Variants in BBX observed in about 807,000 individuals in gnomAD.
BBX encodes HMG box transcription factor BBX.
In BBX, 30 loss-of-function variants were observed where a neutral mutation model predicts 100.2. The ratio of observed to expected loss-of-function variants is 0.30; its 90% CI spans 0.22 to 0.41. The LOEUF (loss-of-function observed/expected upper bound fraction) is 0.41. BBX is among the 10% of genes least tolerant of loss of function. The probability of loss-of-function intolerance (pLI) is 1.00; values close to 1 mark genes in which losing one functional copy is unlikely to be tolerated. For missense variants in BBX, 1,023 were observed against 1,129.8 expected, an observed-to-expected ratio of 0.91 and a Z score of 1.35; for synonymous variants, 376 against 388.1, an observed-to-expected ratio of 0.97 and a Z score of 0.37.
chr3:107,773,732 T>C lies in BBX; in HGVS notation c.1915+96T>C, dbSNP rs955318405. Reference sequence around the variant, plus strand: ...ACAACTGCCATAAAAAACAATATGGTATCAAAATAATACCTTACATTTGTA... The same window carrying C: ...ACAACTGCCATAAAAAACAATATGGCATCAAAATAATACCTTACATTTGTA... On this transcript the variant is annotated intron_variant, in intron 11 of 17. Transcript: ENST00000325805. The surrounding 1 kb of genome is among the most constrained non-coding windows in gnomAD (Gnocchi z 4.1). 2.7e-5 allele frequency: 29 copies of C among 1,083,790 alleles called. No homozygotes were observed. The highest frequency in any genetic ancestry group is 3.7e-5 in the Non-Finnish European group (28 of 764,248). The allele number at this position is 1,083,790 out of a possible 1,614,324, so 67.1% of individuals were successfully genotyped here.
At chr3:107,786,161 C>T (rs2068398597) in intron 13 of BBX, among the ~76,000 whole-genome samples, 1 of 151,834 alleles carries the variant, frequency 6.6e-6, no homozygotes. Flanking sequence ...ATTGCTGAAA[C>T]AAATATGATA....
At chr3:107,550,909 T>A (rs1006625361) in intron 2 of BBX, among the ~76,000 whole-genome samples, 1 of 152,204 alleles carries the variant, frequency 6.6e-6, no homozygotes, top group Non-Finnish European at 1.5e-5. Context: ...CTAAAGTAAG[T>A]ACTTCAACTG....
intron 2 of BBX, among the ~76,000 whole-genome samples, chr3:107,624,913 T>C (rs931403720): frequency 1.3e-5 from 2 of 152,170 alleles, no homozygotes; most frequent in Non-Finnish European, 2.9e-5. Context: ...AGAATAACAT[T>C]CATAGTTTGC....
At chr3:107,529,015 T>G (rs1210389298) in intron 2 of BBX, among the ~76,000 whole-genome samples, 1 of 152,202 alleles carries the variant, frequency 6.6e-6, no homozygotes, top group Non-Finnish European at 1.5e-5. Context: ...GCTTCACAGC[T>G]CTATACTACT....
intron 3 of BBX, among the ~76,000 whole-genome samples, chr3:107,701,312 G>A (rs2061032769): frequency 6.6e-6 from 1 of 152,142 alleles, no homozygotes; most frequent in Non-Finnish European, 1.5e-5. Context: ...TTTCATTCCT[G>A]GTCCCATCAT....
chr3:107,704,952 G>C (rs1169593659), intron 3 of BBX, among the ~76,000 whole-genome samples: 1 of 152,146 alleles, frequency 6.6e-6, no homozygotes, highest in East Asian at 1.9e-4. Flanking sequence ...GAGAAAATGG[G>C]AGACTTTTAA....
chr3:107,691,565 C>A (rs12496633), intron 3 of BBX, among the ~76,000 whole-genome samples: 150,818 of 152,364 alleles, frequency 0.99, 74,666 homozygotes, highest in Middle Eastern at 1. Flanking sequence ...CCCAGCATGA[C>A]GCAAGTATAA....
intron 12 of BBX, 106 bp from the exon 13 acceptor site, chr3:107,778,265 C>T (rs115856500): frequency 0.02 from 27,333 of 1,377,462 alleles, 375 homozygotes; most frequent in Middle Eastern, 0.027. Context: ...TTACCTAATT[C>T]CCAGAGACCC....
At chr3:107,601,696 A>G (rs1417901144) in intron 2 of BBX, among the ~76,000 whole-genome samples, 1 of 152,246 alleles carries the variant, frequency 6.6e-6, no homozygotes, top group Non-Finnish European at 1.5e-5. Flanking sequence ...AGCTGTCTCT[A>G]TAACATAAAA....
intron 5 of BBX, among the ~76,000 whole-genome samples, chr3:107,719,390 A>G (rs2062362585): frequency 6.6e-6 from 1 of 151,990 alleles, no homozygotes; most frequent in Admixed American, 6.6e-5. Flanking sequence ...TAAAAGAAGT[A>G]TATTTTAAAA....
intron 4 of BBX, among the ~76,000 whole-genome samples, chr3:107,710,927 T>C (rs1290145148): frequency 6.6e-6 from 1 of 152,246 alleles, no homozygotes. Context: ...TGTGCTCATC[T>C]GACGTTCTAC....
intron 3 of BBX, among the ~76,000 whole-genome samples, chr3:107,692,170 T>TTTTA (rs201883262): frequency 0.1 from 14,977 of 148,064 alleles, 1,739 homozygotes; most frequent in African/African-American, 0.28. Flanking sequence ...TTTTTAATTA[T>TTTTA]TTTATTTATT....
At position 107,624,315 on chromosome 3, in the gene BBX, C is replaced by CT. The variant is rs551237829; in HGVS notation, c.-83-21520dup. Among the ~76,000 whole-genome samples, 916 of 152,228 alleles carry CT rather than the reference C, an allele frequency of 6.0e-3. 9 individuals carry two copies. Among genetic ancestry groups the CT allele is most frequent in the Non-Finnish European group, 7.0e-3 (475 of 68,002 alleles). The stretch of plus-strand genomic sequence containing the variant: ...GATAAATTATATCACACTTTCTTTG[C>CT]TGTGCTCATCAGCCTTGTTTTTTTT... On this transcript the variant is annotated intron_variant, in intron 2 of 17. Transcript: ENST00000325805.
chr3:107,663,447 C>A (rs1275373492), intron 3 of BBX, among the ~76,000 whole-genome samples: 1 of 152,092 alleles, frequency 6.6e-6, no homozygotes, highest in African/African-American at 2.4e-5. Flanking sequence ...AGAACATTAC[C>A]AGTTTCTTTG....
rs572658433 is a variant in BBX at position 107,532,421 on chromosome 3, T to C, written c.-84+6023T>C. ...TACTTAATAAACACATGGAAAATTG[T>C]AAATTATGGTACTTTAATTGTTCTA... On this transcript the variant is annotated intron_variant, in intron 2 of 17. Transcript: ENST00000325805. Among the ~76,000 whole-genome samples the C allele has an allele frequency of 1.1e-4, 16 of 152,330 alleles. No individual in the cohort carries two copies. The East Asian group carries it at 3.1e-3, about 29-fold the overall frequency.
At chr3:107,743,405 G>C (rs942068452) in intron 7 of BBX, among the ~76,000 whole-genome samples, 18 of 152,222 alleles carry the variant, frequency 1.2e-4, no homozygotes, top group African/African-American at 4.3e-4. Context: ...GGGACATTTG[G>C]CACAGCATAT....
chr3:107,552,436 T>G (rs2049778170), intron 2 of BBX, among the ~76,000 whole-genome samples: 1 of 151,394 alleles, frequency 6.6e-6, no homozygotes, highest in South Asian at 2.1e-4. Flanking sequence ...GAAACAATTC[T>G]TAATGTATTC....
At chr3:107,781,588 CAT>C (rs959531371) in intron 13 of BBX, among the ~76,000 whole-genome samples, 53 of 152,126 alleles carry the variant, frequency 3.5e-4, no homozygotes, top group African/African-American at 9.6e-4. Context: ...TTGTTTTACA[CAT>C]GTTTTTACAT....
chr3:107,528,087 G>T (rs1038083032), intron 2 of BBX, among the ~76,000 whole-genome samples: 1 of 152,166 alleles, frequency 6.6e-6, no homozygotes, highest in African/African-American at 2.4e-5. Context: ...TTCAAGAACA[G>T]TCTTGGACTT....
Sources: allele counts gnomAD v4.1 joint callset (sites outside exome capture counted in the v4.1 genomes callset), GRCh38; gene constraint gnomAD v4.1.1; non-coding constraint Gnocchi (gnomAD v3.1); transcripts MANE v1.5; gene names NCBI Gene and HGNC (gene_info 2026-07-23, HGNC 2026-07-21).